Variants in MGAT4C observed in about 807,000 individuals in gnomAD.
MGAT4C encodes the protein alpha-1,3-mannosyl-glycoprotein 4-beta-N-acetylglucosaminyltransferase C.
MGAT4C carries 19 observed loss-of-function variants against 40.1 expected under a neutral mutation model. The ratio of observed to expected loss-of-function variants is 0.47; its 90% confidence interval spans 0.33 to 0.70. MGAT4C has a LOEUF of 0.70. Ranked by LOEUF, MGAT4C falls within the 30% of genes least tolerant of loss-of-function variation. MGAT4C has a pLI of 0.02. For missense variants in MGAT4C, 491 were observed against 563.2 expected (o/e 0.87, Z 1.30); for synonymous variants, 181 against 187.1 (o/e 0.97, Z 0.27).
At chr12:86,688,691 G>T (rs1303909407) in intron 2 of MGAT4C, among the ~76,000 whole-genome samples, 2 of 152,154 alleles carry the variant, frequency 1.3e-5, no homozygotes, top group East Asian at 1.9e-4. Flanking sequence ...CTTCTAGCTT[G>T]CAGGGTTTCT....
At chr12:86,818,962 T>C (rs1174681197) in intron 1 of MGAT4C, among the ~76,000 whole-genome samples, 1 of 151,010 alleles carries the variant, frequency 6.6e-6, no homozygotes, top group East Asian at 1.9e-4. Context: ...ATATACCCAC[T>C]AGAAGGGTGA....
At chr12:86,623,345 C>A (rs531601783) in intron 2 of MGAT4C, among the ~76,000 whole-genome samples, 1 of 152,186 alleles carries the variant, frequency 6.6e-6, no homozygotes, top group East Asian at 1.9e-4. Flanking sequence ...AGATCCAAAA[C>A]AAACTCAAGC....
At chr12:86,794,262 G>A (rs1333064317) in intron 1 of MGAT4C, among the ~76,000 whole-genome samples, 1 of 151,466 alleles carries the variant, frequency 6.6e-6, no homozygotes, top group Non-Finnish European at 1.5e-5. Context: ...TATTAAAAAT[G>A]GATGCTTTAA....
In MGAT4C at chr12:86,334,769, T is replaced by C. The variant is rs189590806; in HGVS notation, c.-119-642A>G. On this transcript the variant is annotated intron_variant, in intron 3 of 7. Coordinates refer to the MGAT4C transcript ENST00000548651. Reference sequence around the variant, plus strand: ...ACTTCAGTTAGTAGGCAATAAAAATTATTATTTCTGGTCTATTTAGCTACT... The same window carrying C: ...ACTTCAGTTAGTAGGCAATAAAAATCATTATTTCTGGTCTATTTAGCTACT... 3.3e-5 allele frequency among the ~76,000 whole-genome samples: 5 copies of C among 152,208 alleles called. No homozygotes were observed. The East Asian group carries it at 7.7e-4, about 23-fold the overall frequency.
At chr12:86,118,930 T>C (rs968721418) in intron 1 of MGAT4C, among the ~76,000 whole-genome samples, 5 of 152,086 alleles carry the variant, frequency 3.3e-5, no homozygotes, top group African/African-American at 9.7e-5. Context: ...AATTTATTAG[T>C]CTAAAATGGA....
chr12:86,023,927 C>T (rs1490630988), intron 2 of MGAT4C, among the ~76,000 whole-genome samples: 1 of 151,562 alleles, frequency 6.6e-6, no homozygotes, highest in Admixed American at 6.6e-5. Context: ...CCTGAACAAG[C>T]ATAATATGTA....
At chr12:86,545,184 A>T (rs1254292336) in intron 2 of MGAT4C, among the ~76,000 whole-genome samples, 1 of 152,036 alleles carries the variant, frequency 6.6e-6, no homozygotes, top group Non-Finnish European at 1.5e-5. Flanking sequence ...AAATCAATTT[A>T]TAAATGATGA....
At chr12:85,998,858 C>A (rs970025726) in intron 2 of MGAT4C, among the ~76,000 whole-genome samples, 1 of 152,138 alleles carries the variant, frequency 6.6e-6, no homozygotes, top group African/African-American at 2.4e-5. Flanking sequence ...GCCTGTTACC[C>A]ATTTCCAAAG....
chr12:86,638,782 A>C (rs1308884407), intron 2 of MGAT4C, among the ~76,000 whole-genome samples: 1 of 151,746 alleles, frequency 6.6e-6, no homozygotes, highest in Non-Finnish European at 1.5e-5. Flanking sequence ...ATTTTTCCTC[A>C]AACAGCTGTG....
chr12:86,008,338 G>A (rs1888106292), intron 2 of MGAT4C, among the ~76,000 whole-genome samples: 1 of 151,736 alleles, frequency 6.6e-6, no homozygotes, highest in Non-Finnish European at 1.5e-5. Context: ...TCTGAGCAAT[G>A]GTTTTATTTT....
intron 1 of MGAT4C, among the ~76,000 whole-genome samples, chr12:86,124,246 G>C (rs55835911): frequency 0.075 from 11,445 of 152,122 alleles, 590 homozygotes; most frequent in Middle Eastern, 0.21. Flanking sequence ...AAACTCACTT[G>C]CCTATCATGT....
chr12:86,397,276 T>C (rs925742262), intron 3 of MGAT4C, among the ~76,000 whole-genome samples: 2 of 152,150 alleles, frequency 1.3e-5, no homozygotes, highest in African/African-American at 4.8e-5. Flanking sequence ...AGTAAAAGAA[T>C]GGCTCAGCCA....
At chr12:86,809,025 A>G (rs1221619823) in intron 1 of MGAT4C, among the ~76,000 whole-genome samples, 1 of 152,096 alleles carries the variant, frequency 6.6e-6, no homozygotes, top group Non-Finnish European at 1.5e-5. Context: ...ATGAACTGCC[A>G]TTCACAATTG....
In MGAT4C at chr12:85,975,259, T is replaced by C. The variant is rs1883886831; in HGVS notation, c.*4030A>G. 6.6e-6 allele frequency: 1 copy of C among 151,006 alleles called. No homozygotes were observed. Among genetic ancestry groups the C allele is most frequent in the East Asian group, 1.9e-4 (1 of 5,192 alleles). The allele number at this position is 151,006 out of a possible 1,614,324, so 9.4% of individuals were successfully genotyped here. On this transcript the variant is annotated 3_prime_UTR_variant, in exon 5 of 5. Transcript: ENST00000611864. ...GCTGAATAACATTTTTAAAGGGCAG[T>C]AAATTTTATAATTGTTATTGATTAC...
chr12:86,057,449 C>A (rs539164816), intron 1 of MGAT4C, among the ~76,000 whole-genome samples: 1 of 152,262 alleles, frequency 6.6e-6, no homozygotes, highest in South Asian at 2.1e-4. Flanking sequence ...TTACTCCCAC[C>A]AATAATTCTA....
intron 2 of MGAT4C, among the ~76,000 whole-genome samples, chr12:86,551,885 C>T (rs1959380818): frequency 6.6e-6 from 1 of 151,850 alleles, no homozygotes; most frequent in Non-Finnish European, 1.5e-5. Context: ...CAACTAGAAC[C>T]AAAGCCAGTG....
At chr12:86,200,015 C>T (rs1949979366) in intron 1 of MGAT4C, among the ~76,000 whole-genome samples, 1 of 151,916 alleles carries the variant, frequency 6.6e-6, no homozygotes, top group Admixed American at 6.6e-5. Context: ...CTCATGACCC[C>T]TTCCTGTCAA....
intron 2 of MGAT4C, among the ~76,000 whole-genome samples, chr12:86,638,534 A>C (rs1246798497): frequency 6.6e-6 from 1 of 151,866 alleles, no homozygotes; most frequent in Non-Finnish European, 1.5e-5. Flanking sequence ...AAAAGAAACC[A>C]GAGCTTGCTT....
At chr12:86,142,762 T>C (rs1440089307) in intron 1 of MGAT4C, among the ~76,000 whole-genome samples, 4 of 151,910 alleles carry the variant, frequency 2.6e-5, no homozygotes, top group African/African-American at 7.3e-5. Context: ...AGGCTTCAGT[T>C]GGGCTTTTCT....
Sources: allele counts gnomAD v4.1 joint callset (sites outside exome capture counted in the v4.1 genomes callset), GRCh38; gene constraint gnomAD v4.1.1; transcripts MANE v1.5; gene names NCBI Gene and HGNC (gene_info 2026-07-23, HGNC 2026-07-21).